The following FBXW7 variants were observed in gnomAD, a reference collection of about 807,000 sequenced individuals.
FBXW7 encodes the protein F-box and WD repeat domain containing 7.
FBXW7 carries 11 observed loss-of-function variants against 86.3 expected under a neutral mutation model. The ratio of observed to expected loss-of-function variants is 0.13; its 90% CI spans 0.08 to 0.21. The LOEUF is 0.21. Ranked by LOEUF, FBXW7 falls within the 10% of genes least tolerant of loss-of-function variation. FBXW7 has a pLI of 1.00. For synonymous variants in FBXW7, 313 were observed against 297.9 expected, an observed-to-expected ratio of 1.05 and a Z score of -0.52; for missense variants, 488 against 847.4, an observed-to-expected ratio of 0.58 and a Z score of 5.27.
intron 2 of FBXW7, among the ~76,000 whole-genome samples, chr4:152,416,506 A>G (rs1157375550): frequency 6.6e-6 from 1 of 152,178 alleles, no homozygotes; most frequent in Non-Finnish European, 1.5e-5. Flanking sequence ...GAAAACAATT[A>G]TTTTTTGAGT....
rs145280763 is a variant in FBXW7 at position 152,404,224 on chromosome 4, C to G, written c.501+7079G>C. Among the ~76,000 whole-genome samples, 66 of 152,226 alleles carry G rather than the reference C, an allele frequency of 4.3e-4. 1 individual carries two copies. The highest frequency in any genetic ancestry group is 6.8e-3 in the Middle Eastern group (2 of 294). ...TGTGAGGAACATCTTTTTATCCAATCCTCCATTAGGAGCATTATACACCAT... is the reference window on the plus strand; with the variant it reads ...TGTGAGGAACATCTTTTTATCCAATGCTCCATTAGGAGCATTATACACCAT... On this transcript the variant is annotated intron_variant, in intron 4 of 13. Transcript: ENST00000281708.
chr4:152,411,743 C>A lies in FBXW7; in HGVS notation c.61G>T (p.Gly21Cys), dbSNP rs2126882443. The A allele has an allele frequency of 1.2e-6, 2 of 1,613,544 alleles. No individual in the cohort carries two copies. Among genetic ancestry groups the A allele is most frequent in the Non-Finnish European group, 1.7e-6 (2 of 1,179,756 alleles). Residue 21 changes from glycine to cysteine, a missense_variant, in exon 4 of 14, where the codon GGT (glycine) becomes TGT (cysteine). Transcript: ENST00000281708. ...TCTACCTGGCTTGAGGAAGGGTTACCTCTCAGAGAGCCTCCAGTTCGTCGT... is the reference window on the plus strand; with the variant it reads ...TCTACCTGGCTTGAGGAAGGGTTACATCTCAGAGAGCCTCCAGTTCGTCGT... ...KRRRTGGSLRGNPSSSQVDEE... is the reference protein window; with the variant it reads ...KRRRTGGSLRCNPSSSQVDEE...
intron 2 of FBXW7, among the ~76,000 whole-genome samples, chr4:152,427,253 G>A (rs1739467521): frequency 6.6e-6 from 1 of 152,202 alleles, no homozygotes. Context: ...AATGCAACAT[G>A]TTACTCAGGG....
intron 10 of FBXW7, 146 bp from the exon 11 acceptor site, chr4:152,328,535 C>T: frequency 4.0e-6 from 2 of 496,252 alleles, no homozygotes; most frequent in East Asian, 6.8e-5. Flanking sequence ...TAAAATGATC[C>T]CATCACTATT....
chr4:152,326,081 T>C lies in FBXW7; in HGVS notation c.1569A>G (p.Val523=). 2 of 1,613,392 alleles carry C rather than the reference T, an allele frequency of 1.2e-6. No individual in the cohort carries two copies. Among genetic ancestry groups the C allele is most frequent in the South Asian group, 2.2e-5 (2 of 91,076 alleles). Residue 523 remains valine (V), a synonymous_variant, in exon 12 of 14, where the codon GTA becomes GTG. Coordinates refer to ENST00000281708, the MANE Select transcript of FBXW7 (RefSeq NM_001349798.2). The part of the protein sequence containing the change: ...RVVSGAYDFM[V]KVWDPETETC... Reference sequence around the variant, plus strand: ...TTTCAGTCTCTGGATCCCACACCTTTACCATAAAATCATATGCTCCACTAA... The same window carrying C: ...TTTCAGTCTCTGGATCCCACACCTTCACCATAAAATCATATGCTCCACTAA...
chr4:152,532,300 A>G (rs1406778863), intron 2 of FBXW7, among the ~76,000 whole-genome samples: 1 of 152,224 alleles, frequency 6.6e-6, no homozygotes, highest in Non-Finnish European at 1.5e-5. Context: ...CCTTCTGTAT[A>G]GCCCTGGATA....
intron 4 of FBXW7, chr4:152,352,610 A>T (rs1731929210): frequency 1.2e-6 from 2 of 1,613,888 alleles, no homozygotes; most frequent in Non-Finnish European, 1.7e-6. Flanking sequence ...TATGTCACAG[A>T]TTCTAATGTG....
intron 5 of FBXW7, chr4:152,348,708 TGA>T: frequency 1.7e-6 from 2 of 1,183,102 alleles, no homozygotes; most frequent in Non-Finnish European, 1.1e-6. Context: ...AATAGAAGAC[TGA>T]TACATTTAAA....
intron 6 of FBXW7, among the ~76,000 whole-genome samples, chr4:152,346,421 A>AT (rs1257835518): frequency 1.3e-5 from 2 of 152,230 alleles, no homozygotes; most frequent in African/African-American, 4.8e-5. Context: ...TTAAAAAGCA[A>AT]TAAAAAAAAT....
At chr4:152,497,343 CCACACACACACACACA>C (rs753468896) in intron 2 of FBXW7, among the ~76,000 whole-genome samples, 8 of 86,944 alleles carry the variant, frequency 9.2e-5, no homozygotes, top group African/African-American at 1.4e-4. Flanking sequence ...AAAAAAAAAA[CCACACACACACACACA>C]CACACACACA....
intron 2 of FBXW7, among the ~76,000 whole-genome samples, chr4:152,505,517 T>C (rs965797005): frequency 5.3e-5 from 8 of 152,134 alleles, no homozygotes; most frequent in Non-Finnish European, 1.0e-4. Flanking sequence ...TTTCCTGTTT[T>C]AAAAAAAATT....
intron 2 of FBXW7, among the ~76,000 whole-genome samples, chr4:152,423,081 G>T (rs1275713420): frequency 6.6e-6 from 1 of 152,092 alleles, no homozygotes; most frequent in African/African-American, 2.4e-5. Context: ...ATTGAACTTG[G>T]TTTGTTCCTT....
intron 4 of FBXW7, among the ~76,000 whole-genome samples, chr4:152,409,164 C>T (rs1417737209): frequency 6.6e-6 from 1 of 152,074 alleles, no homozygotes; most frequent in Non-Finnish European, 1.5e-5. Context: ...TCTAGCTGTC[C>T]ACAGGGTTTG....
intron 6 of FBXW7, 45 bp from the exon 7 acceptor site, chr4:152,337,981 CA>C: frequency 2.6e-6 from 4 of 1,563,398 alleles, no homozygotes; most frequent in Admixed American, 3.8e-5. Flanking sequence ...ACAGATGTCC[CA>C]AATTACAGGC....
intron 2 of FBXW7, among the ~76,000 whole-genome samples, chr4:152,472,495 C>CA (rs542047039): frequency 9.5e-4 from 145 of 152,184 alleles, no homozygotes; most frequent in African/African-American, 3.4e-3. Flanking sequence ...ATATCCATCT[C>CA]AAAAACATAC....
chr4:152,418,237 G>C (rs1404062210), intron 2 of FBXW7, among the ~76,000 whole-genome samples: 1 of 151,302 alleles, frequency 6.6e-6, no homozygotes, highest in Non-Finnish European at 1.5e-5. Flanking sequence ...AAAACAGTAG[G>C]CTACAGTCTG....
At chr4:152,533,120 G>A (rs1750162937) in intron 2 of FBXW7, among the ~76,000 whole-genome samples, 1 of 151,926 alleles carries the variant, frequency 6.6e-6, no homozygotes, top group African/African-American at 2.4e-5. Flanking sequence ...AACCTGGGAG[G>A]CGGAGGTTGC....
In FBXW7 at chr4:152,535,290, G is replaced by A; in HGVS notation, c.-376C>T. The A allele has an allele frequency of 7.1e-6, 2 of 282,938 alleles. No individual in the cohort carries two copies. Among genetic ancestry groups the A allele is most frequent in the East Asian group, 5.6e-5 (1 of 17,872 alleles). The allele number at this position is 282,938 out of a possible 1,614,324, so 17.5% of individuals were successfully genotyped here. ...CCCCCGGGTCCCCCCCGGCCCCGCC[G>A]CCCTCGGGACTGGGGCGGGGGAGGG... On this transcript the variant is annotated 5_prime_UTR_variant, in exon 1 of 14. Transcript: ENST00000281708.
rs1202875019 is a variant in FBXW7 at position 152,326,023 on chromosome 4, T to G, written c.1627A>C (p.Arg543=). Residue 543 remains arginine, a synonymous_variant, in exon 12 of 14, where the codon AGA becomes CGA. Coordinates refer to ENST00000281708, the MANE Select transcript of FBXW7 (RefSeq NM_001349798.2). ...CLHTLQGHTN[R]VYSLQFDGIH... The stretch of plus-strand genomic sequence containing the variant: ...GATCTTACCTGTAATGAATAGACTC[T>G]ATTAGTATGCCCCTGCAACGTGTGT... 26 of 1,612,966 alleles carry G rather than the reference T, an allele frequency of 1.6e-5. No homozygotes were observed. Among genetic ancestry groups the G allele is most frequent in the Non-Finnish European group, 2.2e-5 (26 of 1,179,304 alleles).
Sources: gnomAD v4.1 joint callset for allele counts (sites outside exome capture counted in the v4.1 genomes callset) on GRCh38, gnomAD v4.1.1 for gene constraint, MANE v1.5 for transcripts, NCBI Gene and HGNC (gene_info 2026-07-23, HGNC 2026-07-21) for gene names.